Variants in UNC13C observed in about 807,000 individuals in gnomAD.
UNC13C encodes unc-13 homolog C.
Under a neutral mutation model 245.4 loss-of-function variants are expected in UNC13C, and 174 were observed. The observed-to-expected ratio is 0.71, with a 90% confidence interval of 0.63 to 0.80. The LOEUF is 0.80. UNC13C is among the 30% of genes least tolerant of loss of function. The pLI is 0.00. For synonymous variants in UNC13C, 992 were observed against 895.1 expected, an observed-to-expected ratio of 1.11 and a Z score of -1.93; for missense variants, 2,829 against 2,602.9, an observed-to-expected ratio of 1.09 and a Z score of -1.89.
intron 7 of UNC13C, among the ~76,000 whole-genome samples, chr15:54,248,229 A>T (rs2036047425): frequency 6.6e-6 from 1 of 152,028 alleles, no homozygotes; most frequent in Non-Finnish European, 1.5e-5. Context: ...TTTTATTGCC[A>T]TTAAAACAAA....
intron 20 of UNC13C, among the ~76,000 whole-genome samples, chr15:54,496,912 A>G (rs1893974693): frequency 6.6e-6 from 1 of 152,068 alleles, no homozygotes; most frequent in Non-Finnish European, 1.5e-5. Context: ...AGAAATCACC[A>G]CTAAAGAACT....
chr15:54,108,619 T>C (rs1257585051), intron 2 of UNC13C, among the ~76,000 whole-genome samples: 1 of 152,236 alleles, frequency 6.6e-6, no homozygotes, highest in Non-Finnish European at 1.5e-5. Context: ...TTCTTAACTT[T>C]TATTTTTCCC....
intron 12 of UNC13C, among the ~76,000 whole-genome samples, chr15:54,298,344 G>A (rs1394983623): frequency 6.6e-6 from 1 of 152,210 alleles, no homozygotes; most frequent in African/African-American, 2.4e-5. Context: ...AGAACTCCGA[G>A]TTAGAGTTCA....
chr15:54,186,083 G>T (rs1180324184), intron 4 of UNC13C, among the ~76,000 whole-genome samples: 2 of 151,594 alleles, frequency 1.3e-5, no homozygotes, highest in African/African-American at 4.9e-5. Flanking sequence ...TCTGTTATTG[G>T]TGTATAAGAA....
At chr15:54,406,927 A>G (rs2040306164) in intron 18 of UNC13C, among the ~76,000 whole-genome samples, 1 of 152,210 alleles carries the variant, frequency 6.6e-6, no homozygotes, top group Non-Finnish European at 1.5e-5. Flanking sequence ...AAGGTGGAAA[A>G]TGATCAGAAG....
the UNC13C span, among the ~76,000 whole-genome samples, chr15:53,901,460 A>G: frequency 6.6e-6 from 1 of 151,884 alleles, no homozygotes; most frequent in South Asian, 2.1e-4. Context: ...TCCCGACCTC[A>G]GGTGATCTGC....
intron 2 of UNC13C, among the ~76,000 whole-genome samples, chr15:54,078,401 G>A (rs1249306950): frequency 6.6e-6 from 1 of 152,096 alleles, no homozygotes; most frequent in Non-Finnish European, 1.5e-5. Context: ...TTAGTTATTT[G>A]AGAAATCTCT....
intron 4 of UNC13C, among the ~76,000 whole-genome samples, chr15:54,203,836 A>ACATACATATACG (rs2034616827): frequency 3.3e-5 from 5 of 149,570 alleles, no homozygotes; most frequent in Admixed American, 1.3e-4. Context: ...ATGTATATAC[A>ACATACATATACG]CATACATATA....
chr15:54,628,470 A>C lies in UNC13C; in HGVS notation c.*1357A>C, dbSNP rs971528150. On this transcript the variant is annotated 3_prime_UTR_variant, in exon 33 of 33. Transcript: ENST00000260323. ...GAACCATTCTGCAACTGAGTATGAA[A>C]TCACAGACCAGTGAGGTGAGCTAAT... The C allele has an allele frequency of 6.6e-6, 1 of 152,580 alleles. No individual in the cohort carries two copies. The highest frequency in any genetic ancestry group is 1.5e-5 in the Non-Finnish European group (1 of 68,036). 9.5% of individuals were successfully genotyped at this position (152,580 alleles called of 1,614,324 possible). A position where few individuals can be genotyped will look rare whatever the true frequency, so the allele number is the denominator to read the frequency against.
intron 2 of UNC13C, among the ~76,000 whole-genome samples, chr15:54,115,182 A>G (rs996829636): frequency 1.3e-5 from 2 of 152,130 alleles, no homozygotes; most frequent in African/African-American, 4.8e-5. Context: ...GTCCTAAAAT[A>G]TTTTTAGCTC....
intron 14 of UNC13C, 43 bp downstream of exon 14, chr15:54,322,138 G>A: frequency 6.7e-7 from 1 of 1,490,994 alleles, no homozygotes; most frequent in East Asian, 2.5e-5. Flanking sequence ...AGCAGCTTAT[G>A]GGAGTTACAT....
chr15:54,044,557 C>T (rs893710460), intron 2 of UNC13C: 16 of 181,388 alleles, frequency 8.8e-5, no homozygotes, highest in East Asian at 3.3e-4. Flanking sequence ...ATGTGGCAGG[C>T]GGGGTGGGGG....
chr15:54,371,715 T>TAC (rs1179833557), intron 17 of UNC13C, among the ~76,000 whole-genome samples: 1 of 118,308 alleles, frequency 8.5e-6, no homozygotes, highest in African/African-American at 3.4e-5. Flanking sequence ...GATATATATA[T>TAC]ATACACACAC....
chr15:54,219,744 A>C (rs2035163117), intron 4 of UNC13C, among the ~76,000 whole-genome samples: 1 of 151,758 alleles, frequency 6.6e-6, no homozygotes, highest in Non-Finnish European at 1.5e-5. Context: ...AACTCAAACA[A>C]ATTTACAAGA....
intron 1 of UNC13C, among the ~76,000 whole-genome samples, chr15:54,010,489 AG>A (rs1472543077): frequency 1.3e-5 from 2 of 152,134 alleles, no homozygotes; most frequent in Non-Finnish European, 2.9e-5. Flanking sequence ...AGAGAGGGGA[AG>A]GGGAAAGGAA....
intron 30 of UNC13C, among the ~76,000 whole-genome samples, chr15:54,597,202 C>A (rs1372887836): frequency 2.0e-5 from 3 of 152,196 alleles, no homozygotes; most frequent in Non-Finnish European, 4.4e-5. Flanking sequence ...GTAATGCTCA[C>A]TTGCCTGCCG....
chr15:54,564,237 A>G lies in UNC13C; in HGVS notation c.5959-3563A>G, dbSNP rs377333937. 3.3e-5 allele frequency among the ~76,000 whole-genome samples: 5 copies of G among 152,190 alleles called. No homozygotes were observed. In the East Asian group the frequency reaches 7.7e-4, roughly 24 times the overall value. ...TAAAATGCACTCAAAAGACAAAGACATTAGTTTCTGCCCTTAAAAAACTTC... is the reference window on the plus strand; with the variant it reads ...TAAAATGCACTCAAAAGACAAAGACGTTAGTTTCTGCCCTTAAAAAACTTC... On this transcript the variant is annotated intron_variant, in intron 29 of 32. Transcript: ENST00000260323.
At chr15:53,860,502 G>A in the UNC13C span, among the ~76,000 whole-genome samples, 1 of 152,022 alleles carries the variant, frequency 6.6e-6, no homozygotes, top group Non-Finnish European at 1.5e-5. Flanking sequence ...GCCCCATAGG[G>A]TTTCTCATTC....
chr15:53,895,231 G>T, the UNC13C span, among the ~76,000 whole-genome samples: 1 of 150,938 alleles, frequency 6.6e-6, no homozygotes, highest in Non-Finnish European at 1.5e-5. Context: ...GGGTGTGGTC[G>T]CAGGCGTCTG....
Sources: allele counts gnomAD v4.1 joint callset (sites outside exome capture counted in the v4.1 genomes callset), GRCh38; gene constraint gnomAD v4.1.1; transcripts MANE v1.5; gene names NCBI Gene and HGNC (gene_info 2026-07-23, HGNC 2026-07-21).